MGAM: variants seen among roughly 807,000 people sequenced by gnomAD.
MGAM encodes the protein alpha-1,4-glucosidase.
MGAM carries 253 observed loss-of-function variants against 358.8 expected under a neutral mutation model. The observed-to-expected ratio is 0.71, with a 90% CI of 0.64 to 0.78. MGAM has a LOEUF of 0.78. Ranked by LOEUF, MGAM falls within the 30% of genes least tolerant of loss-of-function variation. MGAM has a pLI of 0.00. For synonymous variants in MGAM, 1,105 were observed against 1,227.1 expected, an observed-to-expected ratio of 0.90 and a Z score of 2.08; for missense variants, 3,080 against 3,432.6, an observed-to-expected ratio of 0.90 and a Z score of 2.57.
intron 3 of MGAM, among the ~76,000 whole-genome samples, chr7:142,011,150 A>G (rs1805562241): frequency 6.6e-6 from 1 of 152,330 alleles, no homozygotes; most frequent in African/African-American, 2.4e-5. Flanking sequence ...TCCAAGGATA[A>G]CAATAACATA....
chr7:142,097,709 G>C (rs569010467), intron 66 of MGAM, 60 bp downstream of exon 66: 1 of 1,514,738 alleles, frequency 6.6e-7, no homozygotes, highest in African/African-American at 1.4e-5. Context: ...AAAGGCTTTA[G>C]ATCTGATAGA....
intron 48 of MGAM, 90 bp downstream of exon 48, chr7:142,078,560 T>A (rs1813948105): frequency 2.3e-6 from 3 of 1,277,310 alleles, no homozygotes; most frequent in Non-Finnish European, 3.2e-6. Context: ...ATATAACTAC[T>A]TAAAATCCAT....
intron 22 of MGAM, 100 bp from the exon 23 acceptor site, chr7:142,050,135 A>G (rs1270257437): frequency 1.8e-6 from 2 of 1,106,402 alleles, no homozygotes; most frequent in Non-Finnish European, 2.8e-6. Context: ...GAAAACTGCT[A>G]TGTGTGACCT....
chr7:142,067,296 G>A (rs1563190026), intron 41 of MGAM, 45 bp from the exon 42 acceptor site: 1 of 1,239,312 alleles, frequency 8.1e-7, no homozygotes, highest in Non-Finnish European at 1.2e-6. Flanking sequence ...GTGTCGGGCT[G>A]GGGCTCTGTT....
intron 21 of MGAM, among the ~76,000 whole-genome samples, chr7:142,042,054 T>C (rs868261132): frequency 7.5e-4 from 55 of 73,292 alleles, no homozygotes; most frequent in African/African-American, 3.1e-3. Flanking sequence ...ATATATAATA[T>C]ATATACATAT....
Position 142,051,080 on chromosome 7 carries a change from G to A in MGAM, c.2805+216G>A, listed in dbSNP as rs34895109. ...CCCTTCTCTGCCTATCAGTGTTCCC[G>A]TCTTTCTAGCTGGTTTCACTTGCTT... is the stretch of plus-strand genomic sequence containing the variant. On this transcript the variant is annotated intron_variant, in intron 24 of 70. Coordinates refer to ENST00000475668, the MANE Select transcript of MGAM (RefSeq NM_001365693.1). Among the ~76,000 whole-genome samples, 894 of 152,014 alleles carry A rather than the reference G, an allele frequency of 5.9e-3. 7 individuals carry two copies. Among genetic ancestry groups the A allele is most frequent in the East Asian group, 0.021 (110 of 5,174 alleles).
At position 142,031,748 on chromosome 7, in the gene MGAM, A is replaced by C. The variant is rs1554463862; in HGVS notation, c.1539A>C (p.Glu513Asp). Reference protein sequence around the residue: ...NPNCAVWWTKEFELFHNQVEF... With the variant: ...NPNCAVWWTKDFELFHNQVEF... ...ACTGTGCTGTTTGGTGGACAAAGGA[A>C]TTTGAGCTTTTTCACAATCAAGTAG... The change falls in exon 13 of 71, where the codon GAA becomes GAC. Residue 513 changes from glutamate to aspartate, a missense_variant. Physicochemically the swap from Glu to Asp is conservative, Grantham distance 45. This residue lies in a region of MGAM where 1,816 missense variants were observed against 1,840.5 expected (regional missense o/e 0.99). Transcript: ENST00000475668. 6.2e-7 allele frequency: 1 copy of C among 1,613,298 alleles called. No homozygotes were observed.
At chr7:142,019,828 G>A (rs1806269711) in intron 4 of MGAM, among the ~76,000 whole-genome samples, 1 of 152,184 alleles carries the variant, frequency 6.6e-6, no homozygotes, top group South Asian at 2.1e-4. Flanking sequence ...CAGCACTTTG[G>A]GAGGCCGAGG....
Position 142,027,229 on chromosome 7 carries a change from T to TAA in MGAM, c.1095+4_1095+5dup, listed in dbSNP as rs781926700. 6.3e-7 allele frequency: 1 copy of TAA among 1,596,194 alleles called. No individual in the cohort carries two copies. The highest frequency in any genetic ancestry group is 2.2e-5 in the East Asian group (1 of 44,774). On this transcript the variant is annotated splice_region_variant and intron_variant, in intron 9 of 70. Transcript: ENST00000475668. Reference sequence around the variant, plus strand: ...CAAGTTGTTCAAGAATATCTAGAGGTAAACTTAGGATGTCAAGATTATGAC... The same window carrying TAA: ...CAAGTTGTTCAAGAATATCTAGAGGTAAAAACTTAGGATGTCAAGATTATGAC...
At chr7:142,100,494 C>T (rs527606814) in intron 67 of MGAM, among the ~76,000 whole-genome samples, 6 of 152,276 alleles carry the variant, frequency 3.9e-5, no homozygotes, top group African/African-American at 1.4e-4. Context: ...GTCACGAAAA[C>T]AGATTTTCAG....
chr7:142,038,696 C>A, intron 19 of MGAM, 81 bp downstream of exon 19: 1 of 1,086,908 alleles, frequency 9.2e-7, no homozygotes, highest in Non-Finnish European at 1.3e-6. Context: ...CTTCTTATTC[C>A]AAACTCACTT....
chr7:142,059,368 C>T, intron 31 of MGAM, 104 bp from the exon 32 acceptor site: 3 of 1,505,062 alleles, frequency 2.0e-6, no homozygotes, highest in Non-Finnish European at 2.7e-6. Context: ...AATGCATCAA[C>T]AAGAAGCTGT....
intron 69 of MGAM, among the ~76,000 whole-genome samples, 170 bp downstream of exon 69, chr7:142,102,849 C>G (rs961019697): frequency 6.6e-6 from 1 of 152,192 alleles, no homozygotes; most frequent in Non-Finnish European, 1.5e-5. Flanking sequence ...TCCCAGGAGG[C>G]TTTCTGCAAT....
intron 21 of MGAM, among the ~76,000 whole-genome samples, chr7:142,047,458 C>T (rs114577219): frequency 0.014 from 2,176 of 152,130 alleles, 53 homozygotes; most frequent in South Asian, 0.086. Flanking sequence ...CAGTTATTGC[C>T]CAAGATTTAT....
Position 142,066,556 on chromosome 7 carries a change from T to G in MGAM, c.4771-17T>G. 1 of 1,553,924 alleles carries G rather than the reference T, an allele frequency of 6.4e-7. No homozygotes were observed. ...ATTCCAGGGCGAGCTCCCAACACTG[T>G]TCTCTTTCTCCTTTAGAGACAAGAC... On this transcript the variant is annotated splice_polypyrimidine_tract_variant and intron_variant, in intron 40 of 70. Coordinates refer to ENST00000475668, the MANE Select transcript of MGAM (RefSeq NM_001365693.1).
intron 21 of MGAM, among the ~76,000 whole-genome samples, chr7:142,046,989 A>G (rs1009051579): frequency 2.0e-5 from 3 of 152,154 alleles, no homozygotes; most frequent in African/African-American, 7.2e-5. Context: ...TATTTAATGA[A>G]AGCAGATGTT....
rs1431849178 is a variant in MGAM at position 142,054,881 on chromosome 7, T to C, written c.3287T>C (p.Ile1096Thr). ...AAGAAGAATCCATTTGGGATTGAAA[T>C]TCGCCGGAAGAGTACAGGCACTATA... ...LIKKNPFGIE[I>T]RRKSTGTIIW... is the part of the protein sequence containing the mutation. The change falls in exon 27 of 71, where the codon ATT becomes ACT. Residue 1096 changes from isoleucine (I) to threonine (T), a missense_variant. By Grantham distance (89) the Ile-to-Thr change is moderately conservative (BLOSUM62 -1). This residue lies in a region of MGAM where 1,816 missense variants were observed against 1,840.5 expected (regional missense o/e 0.99). Coordinates refer to ENST00000475668, the MANE Select transcript of MGAM (RefSeq NM_001365693.1). 1 of 1,613,876 alleles carries C rather than the reference T, an allele frequency of 6.2e-7. No individual in the cohort carries two copies. Among genetic ancestry groups the C allele is most frequent in the Non-Finnish European group, 8.5e-7 (1 of 1,179,812 alleles).
Position 142,060,342 on chromosome 7 carries a change from A to G in MGAM, c.4091A>G (p.Asn1364Ser), listed in dbSNP as rs1452489820. Residue 1364 changes from asparagine (N) to serine (S), a missense_variant, in exon 34 of 71, where the codon AAT becomes AGT. Physicochemically the swap from Asn to Ser is conservative, Grantham distance 46. Coordinates refer to ENST00000475668, the MANE Select transcript of MGAM (RefSeq NM_001365693.1). Reference protein sequence around the residue: ...VWPDFPDVVVNGSLDWDSQVE... With the variant: ...VWPDFPDVVVSGSLDWDSQVE... ...CCTGATTTTCCTGATGTTGTTGTGAATGGGTCTCTAGACTGGGACAGCCAA... is the reference window on the plus strand; with the variant it reads ...CCTGATTTTCCTGATGTTGTTGTGAGTGGGTCTCTAGACTGGGACAGCCAA... The G allele has an allele frequency of 1.2e-6, 2 of 1,613,926 alleles. No individual in the cohort carries two copies. The highest frequency in any genetic ancestry group is 1.7e-5 in the Admixed American group (1 of 60,006).
intron 2 of MGAM, among the ~76,000 whole-genome samples, chr7:141,989,138 G>A (rs1052661800): frequency 7.9e-5 from 12 of 151,870 alleles, no homozygotes; most frequent in African/African-American, 2.2e-4. Context: ...GAGGGAGAGA[G>A]AGAGAGAGAG....
Sources: gnomAD v4.1 joint callset for allele counts (sites outside exome capture counted in the v4.1 genomes callset) on GRCh38, gnomAD v4.1.1 for gene constraint, gnomAD v4.1.1 regional missense constraint, MANE v1.5 for transcripts, NCBI Gene and HGNC (gene_info 2026-07-23, HGNC 2026-07-21) for gene names.